The following MCTP1 variants were observed in gnomAD, a reference collection of about 807,000 sequenced individuals.
The protein encoded by MCTP1 is multiple C2 and transmembrane domain containing 1.
A neutral mutation model predicts 120.6 loss-of-function variants in MCTP1; 69 were observed. That is an observed-to-expected ratio of 0.57 (90% CI 0.47 to 0.70). The LOEUF is 0.70. Among genes scored for constraint, MCTP1 ranks in the 30% least tolerant of loss-of-function variants. The pLI is 0.00. For missense variants in MCTP1, 1,203 were observed against 1,248.8 expected (o/e 0.96, Z 0.55); for synonymous variants, 529 against 493.1 (o/e 1.07, Z -0.96).
intron 1 of MCTP1, among the ~76,000 whole-genome samples, chr5:95,262,838 T>C (rs943951224): frequency 6.6e-6 from 1 of 152,276 alleles, no homozygotes; most frequent in East Asian, 1.9e-4. Context: ...ATGTCATCTA[T>C]CCCTAATTAT....
intron 17 of MCTP1, among the ~76,000 whole-genome samples, chr5:94,827,572 T>C (rs1406799496): frequency 6.6e-6 from 1 of 152,180 alleles, no homozygotes; most frequent in Non-Finnish European, 1.5e-5. Flanking sequence ...TCCAACTTGG[T>C]TGCATTTTCC....
At chr5:94,814,107 A>G (rs530339938) in intron 17 of MCTP1, among the ~76,000 whole-genome samples, 2 of 152,342 alleles carry the variant, frequency 1.3e-5, no homozygotes, top group East Asian at 1.9e-4. Context: ...GAAATTTACT[A>G]AAAACCAGTG....
chr5:94,953,330 G>T lies in MCTP1; in HGVS notation c.870C>A (p.Ile290=), dbSNP rs528783201. The T allele has an allele frequency of 1.2e-6, 2 of 1,608,456 alleles. No individual in the cohort carries two copies. Among genetic ancestry groups the T allele is most frequent in the Non-Finnish European group, 1.7e-6 (2 of 1,176,876 alleles). Residue 290 remains isoleucine, a synonymous_variant, in exon 3 of 23, where the codon ATC becomes ATA. Coordinates refer to ENST00000515393, the MANE Select transcript of MCTP1 (RefSeq NM_024717.7). ...TACTTCTAAAAACTTCTTTTCCTCC[G>T]ATTTTAAACTTCACATATGGATCAC... The part of the protein sequence containing the change: ...GTSDPYVKFK[I]GGKEVFRSKI...
At chr5:95,138,764 C>A (rs1362172275) in intron 1 of MCTP1, among the ~76,000 whole-genome samples, 1 of 152,174 alleles carries the variant, frequency 6.6e-6, no homozygotes, top group Non-Finnish European at 1.5e-5. Flanking sequence ...TCTTCTTTAT[C>A]TTTTCTTTGT....
At chr5:95,261,411 A>G (rs1374142280) in intron 1 of MCTP1, among the ~76,000 whole-genome samples, 1 of 152,196 alleles carries the variant, frequency 6.6e-6, no homozygotes, top group Non-Finnish European at 1.5e-5. Flanking sequence ...CCACATTAGC[A>G]TTTGGTGATT....
chr5:95,069,002 A>AT (rs1751426464), intron 1 of MCTP1, among the ~76,000 whole-genome samples: 1 of 150,790 alleles, frequency 6.6e-6, no homozygotes, highest in African/African-American at 2.4e-5. Context: ...GTGAAACAAC[A>AT]GAACAGCCTG....
chr5:94,962,899 T>A (rs1824639003), intron 2 of MCTP1, among the ~76,000 whole-genome samples: 1 of 152,114 alleles, frequency 6.6e-6, no homozygotes, highest in Non-Finnish European at 1.5e-5. Flanking sequence ...AATAAATCTT[T>A]AAACTTGAAA....
At chr5:94,739,451 A>T (rs1268280610) in intron 19 of MCTP1, 1 of 152,060 alleles carries the variant, frequency 6.6e-6, no homozygotes, top group East Asian at 1.9e-4. Flanking sequence ...TATATCATGG[A>T]ATTACAAAAT....
At chr5:95,222,090 CTG>C (rs1753756469) in intron 1 of MCTP1, among the ~76,000 whole-genome samples, 1 of 152,200 alleles carries the variant, frequency 6.6e-6, no homozygotes, top group South Asian at 2.1e-4. Context: ...AATAAAAAGA[CTG>C]GAGGTAATCA....
chr5:95,018,879 G>A (rs374817041), intron 1 of MCTP1, among the ~76,000 whole-genome samples: 35 of 152,108 alleles, frequency 2.3e-4, no homozygotes, highest in East Asian at 9.7e-4. Context: ...TAAAGTGATT[G>A]TCTTGCTCTT....
chr5:95,079,073 C>G (rs1161750800), intron 1 of MCTP1, among the ~76,000 whole-genome samples: 1 of 152,080 alleles, frequency 6.6e-6, no homozygotes, highest in East Asian at 1.9e-4. Context: ...CAAAGGGAGA[C>G]TAAATGACTA....
At chr5:94,929,438 A>G (rs1159765609) in intron 6 of MCTP1, among the ~76,000 whole-genome samples, 2 of 152,226 alleles carry the variant, frequency 1.3e-5, no homozygotes, top group Non-Finnish European at 2.9e-5. Flanking sequence ...GAACATAGTT[A>G]TATCATATAT....
At chr5:95,136,230 A>T (rs978112042) in intron 1 of MCTP1, among the ~76,000 whole-genome samples, 1 of 152,176 alleles carries the variant, frequency 6.6e-6, no homozygotes, top group Non-Finnish European at 1.5e-5. Context: ...CTCCTCTGTG[A>T]ATCCTTCCCT....
In MCTP1 at chr5:95,156,491, T is replaced by G. The variant is rs565267830; in HGVS notation, c.720+127365A>C. 1.8e-4 allele frequency among the ~76,000 whole-genome samples: 27 copies of G among 152,296 alleles called. No individual in the cohort carries two copies. The South Asian group carries it at 5.4e-3, about 30-fold the overall frequency. ...AAGTGAGTTTCCGTTTAAGCAATGA[T>G]CCCCATTCTCTAGTTACCTTAACTC... On this transcript the variant is annotated intron_variant, in intron 1 of 22. Transcript: ENST00000515393.
At chr5:95,201,285 A>C (rs1750981426) in intron 1 of MCTP1, among the ~76,000 whole-genome samples, 1 of 152,104 alleles carries the variant, frequency 6.6e-6, no homozygotes, top group East Asian at 1.9e-4. Context: ...AACACTCAAC[A>C]CTGACTGAAT....
chr5:94,733,176 T>C (rs555289154), intron 19 of MCTP1, among the ~76,000 whole-genome samples: 6 of 152,346 alleles, frequency 3.9e-5, no homozygotes, highest in African/African-American at 1.4e-4. Flanking sequence ...AAAATTTTAA[T>C]GCAACTGAAG....
chr5:94,820,752 G>A (rs1785450305), intron 17 of MCTP1, among the ~76,000 whole-genome samples: 1 of 152,172 alleles, frequency 6.6e-6, no homozygotes, highest in Non-Finnish European at 1.5e-5. Context: ...AAAATCAGTT[G>A]TGAGAAATTG....
At chr5:95,170,769 C>A (rs988572953) in intron 1 of MCTP1, among the ~76,000 whole-genome samples, 5 of 152,106 alleles carry the variant, frequency 3.3e-5, no homozygotes, top group Non-Finnish European at 7.4e-5. Context: ...CTTGGTAGAT[C>A]TTCTTCCATT....
At chr5:95,225,946 T>C (rs1754213356) in intron 1 of MCTP1, among the ~76,000 whole-genome samples, 1 of 152,198 alleles carries the variant, frequency 6.6e-6, no homozygotes, top group Admixed American at 6.6e-5. Context: ...ATGCATGACC[T>C]GTTTTGTGAC....
Sources: gnomAD v4.1 joint callset for allele counts (sites outside exome capture counted in the v4.1 genomes callset) on GRCh38, gnomAD v4.1.1 for gene constraint, MANE v1.5 for transcripts, NCBI Gene and HGNC (gene_info 2026-07-23, HGNC 2026-07-21) for gene names.